Variants in CAP2 observed in about 807,000 individuals in gnomAD.
The protein encoded by CAP2 is cyclase associated actin cytoskeleton regulatory protein 2.
In CAP2, 24 loss-of-function variants were observed where a neutral mutation model predicts 57.7. The ratio of observed to expected loss-of-function variants is 0.42; its 90% CI spans 0.30 to 0.58. CAP2 has a LOEUF of 0.58. CAP2 is among the 20% of genes least tolerant of loss of function. The pLI is 0.22. For synonymous variants in CAP2, 194 were observed against 207.2 expected (o/e 0.94, Z 0.55); for missense variants, 501 against 590.3 (o/e 0.85, Z 1.57).
intron 4 of CAP2, among the ~76,000 whole-genome samples, chr6:17,469,526 A>G (rs1760961515): frequency 6.6e-6 from 1 of 152,044 alleles, no homozygotes. Flanking sequence ...AAGATGATTT[A>G]TGGTCATTGG....
At chr6:17,543,031 G>A in intron 10 of CAP2, 30 bp from the exon 11 acceptor site, 1 of 1,612,060 alleles carries the variant, frequency 6.2e-7, no homozygotes, top group Non-Finnish European at 8.5e-7. Flanking sequence ...TAGTGGAGTT[G>A]GTTTTTTGTT....
chr6:17,494,206 A>T (rs530897581), intron 4 of CAP2, among the ~76,000 whole-genome samples: 2 of 152,292 alleles, frequency 1.3e-5, no homozygotes, highest in Non-Finnish European at 2.9e-5. Flanking sequence ...AAACCACATC[A>T]TGTTATTCCT....
intron 1 of CAP2, among the ~76,000 whole-genome samples, chr6:17,401,943 AT>A (rs1437616185): frequency 6.6e-6 from 1 of 152,210 alleles, no homozygotes; most frequent in Non-Finnish European, 1.5e-5. Flanking sequence ...GTAATTGAAA[AT>A]TTTAAAAAGA....
At chr6:17,432,673 G>A (rs1581512977) in intron 3 of CAP2, among the ~76,000 whole-genome samples, 1 of 152,124 alleles carries the variant, frequency 6.6e-6, no homozygotes, top group East Asian at 1.9e-4. Flanking sequence ...TTTTAGAGAA[G>A]GAAGCATTTA....
chr6:17,534,627 C>G (rs1310404360), intron 7 of CAP2, among the ~76,000 whole-genome samples: 2 of 152,194 alleles, frequency 1.3e-5, no homozygotes, highest in African/African-American at 4.8e-5. Flanking sequence ...CCCGTGCCCC[C>G]TCTCCTGTGG....
chr6:17,520,327 C>G (rs1007534038), intron 7 of CAP2, among the ~76,000 whole-genome samples: 1 of 152,106 alleles, frequency 6.6e-6, no homozygotes, highest in African/African-American at 2.4e-5. Context: ...CCAGGCTGGT[C>G]TCAAACTCCT....
chr6:17,410,392 A>G (rs1331087840), intron 1 of CAP2, among the ~76,000 whole-genome samples: 1 of 152,172 alleles, frequency 6.6e-6, no homozygotes, highest in Non-Finnish European at 1.5e-5. Context: ...CCTCTCCCCC[A>G]GTGATTCTTA....
intron 3 of CAP2, among the ~76,000 whole-genome samples, chr6:17,462,604 C>G (rs1383959819): frequency 6.6e-6 from 1 of 152,152 alleles, no homozygotes; most frequent in East Asian, 1.9e-4. Flanking sequence ...GTTTCTGTCT[C>G]TATAGATTTG....
intron 7 of CAP2, among the ~76,000 whole-genome samples, chr6:17,516,515 C>T (rs1393585431): frequency 2.0e-5 from 3 of 152,188 alleles, no homozygotes; most frequent in African/African-American, 4.8e-5. Flanking sequence ...ACAGTGTATA[C>T]TGCTCAGGTG....
intron 3 of CAP2, among the ~76,000 whole-genome samples, chr6:17,427,345 G>A (rs937086187): frequency 9.2e-5 from 14 of 152,206 alleles, no homozygotes; most frequent in East Asian, 5.8e-4. Flanking sequence ...GCCACCCGGG[G>A]TCACCGGGCA....
chr6:17,500,799 G>T (rs1055546354), intron 4 of CAP2, among the ~76,000 whole-genome samples: 1 of 152,176 alleles, frequency 6.6e-6, no homozygotes, highest in Admixed American at 6.6e-5. Context: ...ACAGTTCTAT[G>T]TTGACACTTT....
chr6:17,452,900 G>T (rs922996671), intron 3 of CAP2, among the ~76,000 whole-genome samples: 1 of 152,126 alleles, frequency 6.6e-6, no homozygotes, highest in Non-Finnish European at 1.5e-5. Flanking sequence ...TGGAATGGAA[G>T]TTCCATAACA....
At chr6:17,516,061 G>A (rs899780458) in intron 7 of CAP2, among the ~76,000 whole-genome samples, 3 of 152,096 alleles carry the variant, frequency 2.0e-5, no homozygotes, top group African/African-American at 7.2e-5. Flanking sequence ...AATTTCCCCC[G>A]GGGAGGTACC....
chr6:17,492,615 A>G (rs998179090), intron 4 of CAP2, among the ~76,000 whole-genome samples: 5 of 152,200 alleles, frequency 3.3e-5, no homozygotes, highest in Admixed American at 6.5e-5. Context: ...TTGATGTTCC[A>G]TACTCCGTTC....
chr6:17,507,514 A>G, intron 5 of CAP2, 127 bp from the exon 6 acceptor site: 1 of 797,444 alleles, frequency 1.3e-6, no homozygotes, highest in Non-Finnish European at 2.1e-6. Flanking sequence ...CAACCTTTAC[A>G]GAGCAACATG....
intron 1 of CAP2, among the ~76,000 whole-genome samples, chr6:17,414,109 A>G (rs1240778966): frequency 6.6e-6 from 1 of 151,924 alleles, no homozygotes; most frequent in Non-Finnish European, 1.5e-5. Context: ...ATGGTAGTTT[A>G]CCAAATATTT....
chr6:17,488,192 G>A (rs1464138520), intron 4 of CAP2, among the ~76,000 whole-genome samples: 1 of 152,184 alleles, frequency 6.6e-6, no homozygotes, highest in Non-Finnish European at 1.5e-5. Context: ...ACAGGCATGA[G>A]CCACCACATC....
At chr6:17,440,471 T>A (rs1414830463) in intron 3 of CAP2, among the ~76,000 whole-genome samples, 1 of 151,592 alleles carries the variant, frequency 6.6e-6, no homozygotes. Flanking sequence ...ACTGACCTCT[T>A]CCTTTTTATA....
At chr6:17,432,517 C>G (rs576395024) in intron 3 of CAP2, among the ~76,000 whole-genome samples, 1 of 152,124 alleles carries the variant, frequency 6.6e-6, no homozygotes, top group Non-Finnish European at 1.5e-5. Context: ...ATTGCAAGCC[C>G]GAAGAATCTG....
Sources: gnomAD v4.1 joint callset for allele counts (sites outside exome capture counted in the v4.1 genomes callset) on GRCh38, gnomAD v4.1.1 for gene constraint, MANE v1.5 for transcripts, NCBI Gene and HGNC (gene_info 2026-07-23, HGNC 2026-07-21) for gene names.